SYNE1: variants seen among roughly 807,000 people sequenced by gnomAD.
SYNE1 encodes the protein spectrin repeat containing nuclear envelope protein 1.
SYNE1 carries 616 observed loss-of-function variants against 1,111.0 expected under a neutral mutation model. The ratio of observed to expected loss-of-function variants is 0.55; its 90% CI spans 0.52 to 0.59. The LOEUF (loss-of-function observed/expected upper bound fraction) is 0.59, where lower values mean the gene tolerates loss of function less well. Ranked by LOEUF, SYNE1 falls within the 20% of genes least tolerant of loss-of-function variation. SYNE1 has a pLI of 0.00. For missense variants in SYNE1, 10,006 were observed against 10,417.0 expected, an observed-to-expected ratio of 0.96 and a Z score of 1.72; for synonymous variants, 3,855 against 3,825.8, an observed-to-expected ratio of 1.01 and a Z score of -0.28.
intron 3 of SYNE1, among the ~76,000 whole-genome samples, chr6:152,561,546 G>A (rs143135392): frequency 6.2e-4 from 94 of 151,664 alleles, no homozygotes; most frequent in African/African-American, 2.1e-3. Flanking sequence ...AAATTCCAAC[G>A]GCATTTTTAA....
intron 145 of SYNE1, chr6:152,127,478 T>G (rs560236957): frequency 1.3e-5 from 2 of 152,332 alleles, no homozygotes; most frequent in South Asian, 4.1e-4. Flanking sequence ...ACCAAGGGTG[T>G]GCCGACTCAT....
At chr6:152,476,298 T>C (rs2098834022) in intron 14 of SYNE1, among the ~76,000 whole-genome samples, 1 of 152,220 alleles carries the variant, frequency 6.6e-6, no homozygotes, top group Non-Finnish European at 1.5e-5. Flanking sequence ...TTGTCTCCTA[T>C]TCTTAATTGA....
intron 14 of SYNE1, chr6:152,481,525 C>T (rs1482686166): frequency 2.2e-6 from 1 of 451,836 alleles, no homozygotes; most frequent in East Asian, 7.0e-5. Context: ...ATGTAAGAAA[C>T]ATGCACATGT....
chr6:152,480,274 G>A (rs542855718), intron 14 of SYNE1, among the ~76,000 whole-genome samples: 29 of 152,192 alleles, frequency 1.9e-4, no homozygotes, highest in African/African-American at 3.9e-4. Context: ...TCATCCCAGC[G>A]CTTTGGGAGG....
At chr6:152,303,218 C>A (rs112892321) in intron 91 of SYNE1, among the ~76,000 whole-genome samples, 2,019 of 148,186 alleles carry the variant, frequency 0.014, 55 homozygotes, top group African/African-American at 0.048. Flanking sequence ...CTTTGTGAGG[C>A]TGAGACGAGG....
chr6:152,628,044 C>CAAAAAAAAAAAAAAAAAAA, intron 3 of SYNE1, among the ~76,000 whole-genome samples: 1 of 103,378 alleles, frequency 9.7e-6, no homozygotes, highest in Middle Eastern at 6.9e-3. Context: ...CACAAAATTA[C>CAAAAAAAAAAAAAAAAAAA]AAAAAAAAAA....
chr6:152,570,072 G>A (rs560151737), intron 3 of SYNE1, among the ~76,000 whole-genome samples: 3 of 152,034 alleles, frequency 2.0e-5, no homozygotes, highest in East Asian at 1.9e-4. Flanking sequence ...CAATTATTTC[G>A]TGTTGTCTAG....
intron 126 of SYNE1, among the ~76,000 whole-genome samples, chr6:152,205,374 T>C (rs2076317292): frequency 6.6e-6 from 1 of 152,218 alleles, no homozygotes; most frequent in Admixed American, 6.5e-5. Flanking sequence ...AGGTACCACA[T>C]GATTCACTAT....
intron 16 of SYNE1, 45 bp from the exon 17 acceptor site, chr6:152,466,123 T>A: frequency 7.8e-7 from 1 of 1,276,422 alleles, no homozygotes; most frequent in Non-Finnish European, 1.1e-6. Context: ...ATTAGGCTCA[T>A]GTAGAATGCC....
At chr6:152,171,619 G>C (rs1051644368) in intron 130 of SYNE1, among the ~76,000 whole-genome samples, 1 of 152,200 alleles carries the variant, frequency 6.6e-6, no homozygotes, top group African/African-American at 2.4e-5. Context: ...GGCCAGGCCA[G>C]GGGCAGGCAG....
At chr6:152,375,979 C>T in intron 58 of SYNE1, 1 of 183,862 alleles carries the variant, frequency 5.4e-6, no homozygotes. Context: ...GAGAAGCGGT[C>T]CCCAACCTTT....
chr6:152,371,845 CAGGAA>C (rs71017534), intron 59 of SYNE1, among the ~76,000 whole-genome samples: 1,574 of 58,748 alleles, frequency 0.027, 11 homozygotes, highest in South Asian at 0.038. Flanking sequence ...CAGGACAGGA[CAGGAA>C]AGGAAAGGAA....
intron 42 of SYNE1, among the ~76,000 whole-genome samples, chr6:152,410,686 A>G (rs989449312): frequency 6.6e-5 from 10 of 152,208 alleles, no homozygotes; most frequent in Non-Finnish European, 1.0e-4. Flanking sequence ...AGCCAAGATC[A>G]CACCACTGTG....
chr6:152,380,439 T>C (rs1199598536), intron 56 of SYNE1: 1 of 152,476 alleles, frequency 6.6e-6, no homozygotes, highest in Non-Finnish European at 1.4e-5. Context: ...GAAGCTGCCA[T>C]TAGCTTCAAA....
intron 3 of SYNE1, among the ~76,000 whole-genome samples, chr6:152,573,837 C>T (rs2099483908): frequency 6.6e-6 from 1 of 152,078 alleles, no homozygotes; most frequent in African/African-American, 2.4e-5. Flanking sequence ...AAAGAGTATG[C>T]ATCATATACA....
At chr6:152,511,347 T>G (rs186771882) in intron 6 of SYNE1, among the ~76,000 whole-genome samples, 1 of 152,184 alleles carries the variant, frequency 6.6e-6, no homozygotes, top group African/African-American at 2.4e-5. Context: ...TTCTTTTGTT[T>G]AAAGTTGAAA....
intron 67 of SYNE1, 88 bp from the exon 68 acceptor site, chr6:152,353,832 G>A: frequency 6.5e-7 from 1 of 1,534,992 alleles, no homozygotes; most frequent in Non-Finnish European, 8.9e-7. Context: ...AATGGTTTCA[G>A]TGTAGGTTTA....
chr6:152,375,547 G>A (rs1227496345), intron 58 of SYNE1, among the ~76,000 whole-genome samples: 2 of 152,100 alleles, frequency 1.3e-5, no homozygotes, highest in East Asian at 1.9e-4. Context: ...AATGAAGGTG[G>A]TATGTGAATT....
At chr6:152,624,941 C>T (rs545356963) in intron 3 of SYNE1, among the ~76,000 whole-genome samples, 2 of 81,004 alleles carry the variant, frequency 2.5e-5, no homozygotes, top group Admixed American at 2.3e-4. Context: ...TTCAAAGCTG[C>T]ATGCTCTTTA....
Sources: gnomAD v4.1 joint callset for allele counts (sites outside exome capture counted in the v4.1 genomes callset) on GRCh38, gnomAD v4.1.1 for gene constraint, MANE v1.5 for transcripts, NCBI Gene and HGNC (gene_info 2026-07-23, HGNC 2026-07-21) for gene names.